Variants in FGF7 observed in about 807,000 individuals in gnomAD.
The protein encoded by FGF7 is fibroblast growth factor 7.
FGF7 carries 6 observed loss-of-function variants against 20.5 expected under a neutral mutation model. That is an observed-to-expected ratio of 0.29 (90% CI 0.16 to 0.58). The LOEUF is 0.58. FGF7 is among the 20% of genes least tolerant of loss of function. The probability of loss-of-function intolerance (pLI) is 0.90; values close to 1 mark genes in which losing one functional copy is unlikely to be tolerated. For missense variants in FGF7, 144 were observed against 228.8 expected, an observed-to-expected ratio of 0.63 and a Z score of 2.39; for synonymous variants, 64 against 74.7, an observed-to-expected ratio of 0.86 and a Z score of 0.74.
rs1220858422 is a variant in FGF7 at position 49,487,264 on chromosome 15, G to A, written c.*2760G>A. ...TGTGCAAAATATACATATAAGCAGA[G>A]TAAGCCTTTTAAAAATGTTCTTTGA... is the stretch of plus-strand genomic sequence containing the variant. On this transcript the variant is annotated 3_prime_UTR_variant, in exon 4 of 4. Coordinates refer to ENST00000267843, the MANE Select transcript of FGF7 (RefSeq NM_002009.4). The A allele has an allele frequency of 2.6e-5, 4 of 151,748 alleles. No homozygotes were observed. Among genetic ancestry groups the A allele is most frequent in the Admixed American group, 6.6e-5 (1 of 15,198 alleles). 9.4% of individuals were successfully genotyped at this position (151,748 alleles called of 1,614,324 possible).
intron 2 of FGF7, among the ~76,000 whole-genome samples, chr15:49,470,168 A>G (rs943114438): frequency 1.3e-5 from 2 of 152,164 alleles, no homozygotes; most frequent in African/African-American, 4.8e-5. Context: ...ATGTTACTGT[A>G]GATTGTAAAT....
chr15:49,429,785 G>T (rs553894712), intron 2 of FGF7, among the ~76,000 whole-genome samples: 43 of 152,036 alleles, frequency 2.8e-4, no homozygotes, highest in African/African-American at 1.0e-3. Flanking sequence ...TGCTGCCAGG[G>T]ATGAGAACCA....
chr15:49,434,178 G>C (rs1480982571), intron 2 of FGF7, among the ~76,000 whole-genome samples: 1 of 151,546 alleles, frequency 6.6e-6, no homozygotes, highest in Non-Finnish European at 1.5e-5. Flanking sequence ...TAGTTTATCT[G>C]GTTCATATTG....
At chr15:49,467,260 G>A (rs1032824631) in intron 2 of FGF7, among the ~76,000 whole-genome samples, 1 of 152,092 alleles carries the variant, frequency 6.6e-6, no homozygotes, top group African/African-American at 2.4e-5. Context: ...TGAACAAAAC[G>A]TTAATGAAAG....
intron 2 of FGF7, among the ~76,000 whole-genome samples, chr15:49,466,590 T>C (rs1452560332): frequency 6.6e-6 from 1 of 152,112 alleles, no homozygotes; most frequent in Non-Finnish European, 1.5e-5. Context: ...ATATATCTTA[T>C]GAATACATAA....
chr15:49,476,165 T>C (rs1324097787), intron 2 of FGF7, among the ~76,000 whole-genome samples: 4 of 150,366 alleles, frequency 2.7e-5, no homozygotes, highest in African/African-American at 9.7e-5. Context: ...AAATCCTCCG[T>C]TGACCACTTG....
At chr15:49,456,222 T>C (rs1007785736) in intron 2 of FGF7, among the ~76,000 whole-genome samples, 3 of 152,122 alleles carry the variant, frequency 2.0e-5, no homozygotes, top group Non-Finnish European at 4.4e-5. Flanking sequence ...TTACCCTATT[T>C]CCCTCTGAGA....
rs369324799 is a variant in FGF7, at chr15:49,480,593, T to G, written c.287-2558T>G. On this transcript the variant is annotated intron_variant, in intron 2 of 3. Transcript: ENST00000267843. ...GCCTTCTGGGTTCATGCAATTCTCC[T>G]GCTTCAGCCTCCTGAGTAGCTGGGA... 1.5e-4 allele frequency among the ~76,000 whole-genome samples: 23 copies of G among 150,618 alleles called. No individual in the cohort carries two copies. The South Asian group carries it at 4.6e-3, about 30-fold the overall frequency.
intron 2 of FGF7, among the ~76,000 whole-genome samples, chr15:49,465,131 T>G (rs1429676287): frequency 6.6e-6 from 1 of 152,060 alleles, no homozygotes; most frequent in Non-Finnish European, 1.5e-5. Context: ...CTTAATTTTA[T>G]TTTTATTTTA....
chr15:49,474,554 A>C (rs1223953618), intron 2 of FGF7, among the ~76,000 whole-genome samples: 1 of 152,188 alleles, frequency 6.6e-6, no homozygotes, highest in East Asian at 1.9e-4. Context: ...TCAGTAAAAA[A>C]AGGAATAGAA....
chr15:49,451,217 C>G (rs1345766151), intron 2 of FGF7, among the ~76,000 whole-genome samples: 2 of 152,000 alleles, frequency 1.3e-5, no homozygotes, highest in South Asian at 4.2e-4. Context: ...AAAATTTTAA[C>G]CAATTAGAGC....
At chr15:49,477,046 C>T (rs895771396) in intron 2 of FGF7, among the ~76,000 whole-genome samples, 5 of 144,384 alleles carry the variant, frequency 3.5e-5, no homozygotes, top group African/African-American at 1.1e-4. Flanking sequence ...GGCGACAAAG[C>T]GAGACTCTGT....
intron 2 of FGF7, among the ~76,000 whole-genome samples, chr15:49,459,228 G>A (rs960834483): frequency 6.6e-6 from 1 of 152,178 alleles, no homozygotes; most frequent in East Asian, 1.9e-4. Context: ...GCCAGAGGAG[G>A]AGAGATTTGT....
At chr15:49,461,967 C>T (rs1465282343) in intron 2 of FGF7, among the ~76,000 whole-genome samples, 7 of 152,044 alleles carry the variant, frequency 4.6e-5, no homozygotes, top group South Asian at 2.1e-4. Context: ...GTAAGGAGTT[C>T]GAGACCAGCC....
intron 2 of FGF7, among the ~76,000 whole-genome samples, chr15:49,475,689 C>T (rs536606175): frequency 6.6e-6 from 1 of 152,018 alleles, no homozygotes; most frequent in African/African-American, 2.4e-5. Context: ...ACACAATTTG[C>T]AGAAAATTTA....
At chr15:49,449,840 T>C (rs1331624109) in intron 2 of FGF7, among the ~76,000 whole-genome samples, 1 of 152,120 alleles carries the variant, frequency 6.6e-6, no homozygotes, top group African/African-American at 2.4e-5. Context: ...CAGATATCCA[T>C]AAAGATTACT....
intron 2 of FGF7, among the ~76,000 whole-genome samples, chr15:49,447,149 T>C (rs980325681): frequency 1.3e-5 from 2 of 151,628 alleles, no homozygotes; most frequent in Non-Finnish European, 1.5e-5. Flanking sequence ...TTTCAAAAAG[T>C]ATTTCTTGTA....
Position 49,433,371 on chromosome 15 carries a change from C to G in FGF7, c.286+8788C>G, listed in dbSNP as rs78224501. ...AATCTTCCAGTGGTAGAAGCAGCAGCACTTAGCCCAGTGTAAGAGGTGAAA... is the reference window on the plus strand; with the variant it reads ...AATCTTCCAGTGGTAGAAGCAGCAGGACTTAGCCCAGTGTAAGAGGTGAAA... On this transcript the variant is annotated intron_variant, in intron 2 of 3. Transcript: ENST00000267843. Among the ~76,000 whole-genome samples, 845 of 151,524 alleles carry G rather than the reference C, an allele frequency of 5.6e-3. 6 individuals carry two copies. Among genetic ancestry groups the G allele is most frequent in the African/African-American group, 0.019 (805 of 41,382 alleles).
At chr15:49,461,547 T>C (rs2053801872) in intron 2 of FGF7, among the ~76,000 whole-genome samples, 1 of 152,210 alleles carries the variant, frequency 6.6e-6, no homozygotes, top group African/African-American at 2.4e-5. Context: ...GTCTTGTCTA[T>C]CTCTTTGAAA....
Sources: allele counts gnomAD v4.1 joint callset (sites outside exome capture counted in the v4.1 genomes callset), GRCh38; gene constraint gnomAD v4.1.1; transcripts MANE v1.5; gene names NCBI Gene and HGNC (gene_info 2026-07-23, HGNC 2026-07-21).